ADCY3: variants seen among roughly 807,000 people sequenced by gnomAD.
ADCY3 encodes adenylate cyclase 3.
Under a neutral mutation model 119.4 loss-of-function variants are expected in ADCY3, and 70 were observed. The observed-to-expected ratio is 0.59, with a 90% CI of 0.48 to 0.72. The LOEUF (loss-of-function observed/expected upper bound fraction) is 0.72. Ranked by LOEUF, ADCY3 falls within the 30% of genes least tolerant of loss-of-function variation. The pLI is 0.00. For synonymous variants in ADCY3, 672 were observed against 621.4 expected (o/e 1.08, Z -1.21); for missense variants, 1,238 against 1,541.6 (o/e 0.80, Z 3.30).
chr2:24,862,470 C>T (rs923495057), intron 3 of ADCY3, among the ~76,000 whole-genome samples: 3 of 151,430 alleles, frequency 2.0e-5, no homozygotes, highest in East Asian at 1.9e-4. Context: ...GGCGTGAACC[C>T]GGAAGGCGGA....
rs775178493 is a variant in ADCY3 at position 24,872,563 on chromosome 2, G to C, written c.825+7C>G. The C allele has an allele frequency of 1.2e-5, 20 of 1,613,738 alleles. No individual in the cohort carries two copies. The South Asian group carries it at 2.1e-4, about 17-fold the overall frequency. Reference sequence around the variant, plus strand: ...GCTCCAGGCCCGAGGCCTCCCGAGAGCCTCACCTGCTGCTGGCTCTGCTCT... The same window carrying C: ...GCTCCAGGCCCGAGGCCTCCCGAGACCCTCACCTGCTGCTGGCTCTGCTCT... On this transcript the variant is annotated splice_region_variant and intron_variant, in intron 3 of 21. Coordinates refer to ENST00000679454, the MANE Select transcript of ADCY3 (RefSeq NM_004036.5). The surrounding 1 kb of genome is among the most constrained non-coding windows in gnomAD (Gnocchi z 4.4).
chr2:24,833,674 C>T (rs552952474), intron 11 of ADCY3, among the ~76,000 whole-genome samples: 2 of 152,214 alleles, frequency 1.3e-5, no homozygotes, highest in Non-Finnish European at 2.9e-5. Context: ...ATAGCCCCAG[C>T]CCTTGATCCC....
intron 9 of ADCY3, among the ~76,000 whole-genome samples, chr2:24,836,467 C>A (rs920625005): frequency 3.9e-5 from 6 of 152,234 alleles, no homozygotes; most frequent in Admixed American, 6.5e-5. Flanking sequence ...AGGCACCCTG[C>A]ACTCTGGGAC....
intron 12 of ADCY3, among the ~76,000 whole-genome samples, chr2:24,831,413 C>G (rs1231833047): frequency 6.6e-6 from 1 of 152,202 alleles, no homozygotes; most frequent in Non-Finnish European, 1.5e-5. Flanking sequence ...TGCTGCAGCG[C>G]CACGGCCCAA....
intron 2 of ADCY3, among the ~76,000 whole-genome samples, chr2:24,873,487 C>T (rs971392097): frequency 6.6e-6 from 1 of 152,198 alleles, no homozygotes; most frequent in Admixed American, 6.5e-5. Flanking sequence ...TATTCCCCAT[C>T]CCTGGCACCC....
In ADCY3 at chr2:24,819,794, C is replaced by T. The variant is rs1228975322; in HGVS notation, c.*138G>A. The stretch of plus-strand genomic sequence containing the variant: ...GCCACCCTCAGAGCTCACACATCCA[C>T]GAACAAATGAAGGCTGAGGAGGTTT... On this transcript the variant is annotated 3_prime_UTR_variant, in exon 22 of 22. Coordinates refer to ENST00000679454, the MANE Select transcript of ADCY3 (RefSeq NM_004036.5). 1.4e-5 allele frequency: 13 copies of T among 922,250 alleles called. No homozygotes were observed. The highest frequency in any genetic ancestry group is 5.1e-5 in the African/African-American group (3 of 59,196). The allele number at this position is 922,250 out of a possible 1,614,324, so 57.1% of individuals were successfully genotyped here. A position where few individuals can be genotyped will look rare whatever the true frequency, so the allele number is the denominator to read the frequency against.
rs931887402 is a variant in ADCY3, at chr2:24,842,206, C to T, written c.956+48G>A. The T allele has an allele frequency of 3.7e-6, 6 of 1,611,270 alleles. No individual in the cohort carries two copies. Among genetic ancestry groups the T allele is most frequent in the Non-Finnish European group, 5.1e-6 (6 of 1,179,442 alleles). On this transcript the variant is annotated intron_variant, in intron 4 of 21. Transcript: ENST00000679454. The surrounding 1 kb of genome is among the most constrained non-coding windows in gnomAD (Gnocchi z 4.9). ...TAGCGGGTCCCACAAAGATGCAGCC[C>T]TCCACAGCCTGCTCTGCCATCAGAG...
At chr2:24,868,894 G>A (rs867757944) in intron 3 of ADCY3, among the ~76,000 whole-genome samples, 1 of 151,724 alleles carries the variant, frequency 6.6e-6, no homozygotes, top group Non-Finnish European at 1.5e-5. Context: ...CATGGTGGCA[G>A]GCACCTGTAG....
chr2:24,859,411 G>A (rs1307052910), intron 3 of ADCY3, among the ~76,000 whole-genome samples: 1 of 152,270 alleles, frequency 6.6e-6, no homozygotes, highest in African/African-American at 2.4e-5. Context: ...GCATGGTGGG[G>A]CTTGGCACTA....
At chr2:24,911,123 C>T (rs1265770904) in intron 2 of ADCY3, among the ~76,000 whole-genome samples, 5 of 151,992 alleles carry the variant, frequency 3.3e-5, no homozygotes, top group East Asian at 1.9e-4. Context: ...CCTCATCCCC[C>T]AAATTGCTCC....
At chr2:24,829,496 C>A (rs1669138121) in intron 13 of ADCY3, among the ~76,000 whole-genome samples, 1 of 137,524 alleles carries the variant, frequency 7.3e-6, no homozygotes, top group African/African-American at 2.7e-5. Context: ...TCTCGGCTCA[C>A]TGCAAGCTCC....
chr2:24,827,147 G>C (rs920725841), intron 15 of ADCY3, among the ~76,000 whole-genome samples: 5 of 152,184 alleles, frequency 3.3e-5, no homozygotes, highest in African/African-American at 1.2e-4. Flanking sequence ...CCTTGGCACT[G>C]GCAGGGACCT....
At chr2:24,868,617 G>T (rs916470683) in intron 3 of ADCY3, among the ~76,000 whole-genome samples, 1 of 152,074 alleles carries the variant, frequency 6.6e-6, no homozygotes. Flanking sequence ...CTGGGTAACA[G>T]AGCAAGATTC....
At chr2:24,851,838 C>A (rs931139685) in intron 3 of ADCY3, among the ~76,000 whole-genome samples, 8 of 152,200 alleles carry the variant, frequency 5.3e-5, no homozygotes, top group African/African-American at 1.9e-4. Flanking sequence ...GTCACCACAT[C>A]CAGACAATGA....
chr2:24,916,422 G>A (rs777176841), intron 2 of ADCY3, among the ~76,000 whole-genome samples: 4 of 152,214 alleles, frequency 2.6e-5, no homozygotes, highest in Non-Finnish European at 4.4e-5. Context: ...GGTGGCTCAC[G>A]CCTGTAATCC....
At chr2:24,912,298 A>G (rs1205243595) in intron 2 of ADCY3, among the ~76,000 whole-genome samples, 1 of 149,844 alleles carries the variant, frequency 6.7e-6, no homozygotes, top group Non-Finnish European at 1.5e-5. Flanking sequence ...CTCTGTCTCT[A>G]TTTGAAAAAA....
intron 8 of ADCY3, among the ~76,000 whole-genome samples, chr2:24,837,876 GCAAGCTTGTTCAAC>G (rs924113973): frequency 6.6e-6 from 1 of 152,142 alleles, no homozygotes; most frequent in African/African-American, 2.4e-5. Context: ...ATGCACGATT[GCAAGCTTGTTCAAC>G]CCACAGTATT....
At chr2:24,862,922 A>G (rs1017966456) in intron 3 of ADCY3, among the ~76,000 whole-genome samples, 6 of 150,662 alleles carry the variant, frequency 4.0e-5, no homozygotes, top group Non-Finnish European at 8.9e-5. Flanking sequence ...GGCACTGTGC[A>G]ATAACTACTT....
At position 24,841,539 on chromosome 2, in the gene ADCY3, C is replaced by T. The variant is rs372256563; in HGVS notation, c.1068+17G>A. The T allele has an allele frequency of 1.9e-5, 30 of 1,608,544 alleles. No individual in the cohort carries two copies. The highest frequency in any genetic ancestry group is 9.9e-5 in the South Asian group (9 of 90,576). ...GGGCAGGCCCCGCTGGAGAGCCAGG[C>T]GGGGCCAGGGACTTACAGCTGCCAG... On this transcript the variant is annotated intron_variant, in intron 5 of 21. Transcript: ENST00000679454. This position sits in a 1 kb window ranked among gnomAD's most constrained non-coding sequence, Gnocchi z 5.8.
Sources: allele counts gnomAD v4.1 joint callset (sites outside exome capture counted in the v4.1 genomes callset), GRCh38; gene constraint gnomAD v4.1.1; non-coding constraint Gnocchi (gnomAD v3.1); transcripts MANE v1.5; gene names NCBI Gene and HGNC (gene_info 2026-07-23, HGNC 2026-07-21).